Variants in RHEX observed in about 807,000 individuals in gnomAD.
RHEX encodes the protein regulator of hemoglobinization and erythroid cell expansion protein.
Under a neutral mutation model 20.1 loss-of-function variants are expected in RHEX, and 18 were observed. That is an observed-to-expected ratio of 0.90 (90% CI 0.62 to 1.33). RHEX has a LOEUF of 1.33. Ranked by LOEUF, RHEX falls within the 40% of genes most tolerant of loss-of-function variation. The probability of loss-of-function intolerance (pLI) is 0.00; values close to 1 mark genes in which losing one functional copy is unlikely to be tolerated. For synonymous variants in RHEX, 87 were observed against 77.1 expected, an observed-to-expected ratio of 1.13 and a Z score of -0.67; for missense variants, 192 against 214.3, an observed-to-expected ratio of 0.90 and a Z score of 0.65.
At chr1:206,086,166 C>T (rs1553286395) in intron 1 of RHEX, among the ~76,000 whole-genome samples, 1 of 152,074 alleles carries the variant, frequency 6.6e-6, no homozygotes, top group African/African-American at 2.4e-5. Context: ...ATCGCAGGAC[C>T]CCATGGTTTC....
chr1:206,095,296 G>A (rs1386994227), intron 1 of RHEX, among the ~76,000 whole-genome samples: 1 of 152,142 alleles, frequency 6.6e-6, no homozygotes, highest in African/African-American at 2.4e-5. Flanking sequence ...AAAATTAGGT[G>A]TCAAATGTGG....
intron 1 of RHEX, chr1:206,060,554 T>A (rs782371811): frequency 6.6e-6 from 1 of 152,448 alleles, no homozygotes; most frequent in Non-Finnish European, 1.5e-5. Context: ...AGGCTAGAGC[T>A]GAAAAGAGGG....
intron 1 of RHEX, among the ~76,000 whole-genome samples, chr1:206,064,124 C>T (rs1281475310): frequency 6.7e-6 from 1 of 149,370 alleles, no homozygotes; most frequent in African/African-American, 2.5e-5. Flanking sequence ...CCCGGCCGCC[C>T]CGTCTGAGAA....
intron 2 of RHEX, 59 bp downstream of exon 2, chr1:206,097,898 TCTTCCAAGCACACATAGCACC>T: frequency 7.4e-7 from 1 of 1,350,530 alleles, no homozygotes; most frequent in South Asian, 1.2e-5. Context: ...GGTGTAGCTG[TCTTCCAAGCACACATAGCACC>T]CTTCCTGGCT....
chr1:206,099,307 C>G (rs782463959), intron 3 of RHEX, among the ~76,000 whole-genome samples: 1 of 151,668 alleles, frequency 6.6e-6, no homozygotes, highest in African/African-American at 2.4e-5. Flanking sequence ...ATGTGCCTAA[C>G]CCAGGCAGCT....
At position 206,097,690 on chromosome 1, in the gene RHEX, A is replaced by G. The variant is rs80192576; in HGVS notation, c.-96-43A>G. 2.8e-4 allele frequency: 375 copies of G among 1,337,650 alleles called. 4 individuals carry two copies. In the East Asian group the frequency reaches 8.5e-3, roughly 30 times the overall value. The allele number at this position is 1,337,650 out of a possible 1,614,324, so 82.9% of individuals were successfully genotyped here. ...CTGAGTTTGCCCAAGGGAAATTTGT[A>G]TAAAGAGCCCTGGAGTCCTGACCAG... On this transcript the variant is annotated intron_variant, in intron 1 of 5. Transcript: ENST00000331555.
In RHEX at chr1:206,099,642, C is replaced by T; in HGVS notation, c.113-13C>T. ...CCAGTTTCCACTTTTGATCCCTGCC[C>T]TCTCCCTTCCAGCCCACAAGAGTGA... On this transcript the variant is annotated splice_polypyrimidine_tract_variant and intron_variant, in intron 3 of 5. Coordinates refer to ENST00000331555, the MANE Select transcript of RHEX (RefSeq NM_001007544.4). The T allele has an allele frequency of 1.9e-6, 3 of 1,613,084 alleles. No individual in the cohort carries two copies. The highest frequency in any genetic ancestry group is 2.5e-6 in the Non-Finnish European group (3 of 1,179,696).
At chr1:206,064,718 C>T (rs1329085527) in intron 1 of RHEX, among the ~76,000 whole-genome samples, 1 of 151,600 alleles carries the variant, frequency 6.6e-6, no homozygotes, top group African/African-American at 2.4e-5. Flanking sequence ...TCTGCCCGGC[C>T]GCCCCTGCTG....
intron 1 of RHEX, among the ~76,000 whole-genome samples, chr1:206,074,312 A>T (rs1400825365): frequency 2.0e-5 from 3 of 152,156 alleles, no homozygotes; most frequent in African/African-American, 7.2e-5. Context: ...ATCTTCTTCA[A>T]CTCTGTATCC....
At chr1:206,091,275 T>C (rs1558178304) in intron 1 of RHEX, among the ~76,000 whole-genome samples, 1 of 152,196 alleles carries the variant, frequency 6.6e-6, no homozygotes, top group Non-Finnish European at 1.5e-5. Flanking sequence ...ACCCTTATTA[T>C]TATTAGAGAT....
chr1:206,090,202 C>CTTTTTTTTTTTTTTTTTT (rs59499927), intron 1 of RHEX, among the ~76,000 whole-genome samples: 1 of 112,590 alleles, frequency 8.9e-6, no homozygotes. Flanking sequence ...TCTTTTCTTT[C>CTTTTTTTTTTTTTTTTTT]TTTTTTTTTT....
intron 5 of RHEX, 90 bp downstream of exon 5, chr1:206,101,287 T>G: frequency 9.9e-7 from 1 of 1,014,482 alleles, no homozygotes; most frequent in Admixed American, 2.2e-5. Flanking sequence ...ACCCCAGCTA[T>G]GTAGTGGGAG....
intron 4 of RHEX, among the ~76,000 whole-genome samples, chr1:206,100,498 G>A (rs567923835): frequency 1.3e-5 from 2 of 152,218 alleles, no homozygotes; most frequent in South Asian, 2.1e-4. Flanking sequence ...GTGCCTGCCT[G>A]TGGGGACCTG....
chr1:206,061,844 A>T (rs1662315472), intron 1 of RHEX: 1 of 152,038 alleles, frequency 6.6e-6, no homozygotes, highest in South Asian at 2.1e-4. Context: ...AGATGCTCAG[A>T]GTGGGGGTCA....
At chr1:206,057,055 T>C (rs1553282686) in intron 1 of RHEX, among the ~76,000 whole-genome samples, 1 of 152,248 alleles carries the variant, frequency 6.6e-6, no homozygotes, top group Non-Finnish European at 1.5e-5. Context: ...GGAAAAGGAC[T>C]AGATCCTAGT....
At position 206,099,677 on chromosome 1, in the gene RHEX, G is replaced by C; in HGVS notation, c.135G>C (p.Leu45=). The change falls in exon 4 of 6, where the codon CTG becomes CTC. Residue 45 remains leucine (L), a synonymous_variant. Transcript: ENST00000331555. ...RHMAHKSEQI[L]KAASLQVPRP... Reference sequence around the variant, plus strand: ...CAGCCCACAAGAGTGAACAGATACTGAAAGCGGCCAGTCTCCAGGTTCCCA... The same window carrying C: ...CAGCCCACAAGAGTGAACAGATACTCAAAGCGGCCAGTCTCCAGGTTCCCA... 1.2e-6 allele frequency: 2 copies of C among 1,614,066 alleles called. No homozygotes were observed. Among genetic ancestry groups the C allele is most frequent in the Non-Finnish European group, 8.5e-7 (1 of 1,180,002 alleles).
chr1:206,084,532 G>C (rs1392934335), intron 1 of RHEX, among the ~76,000 whole-genome samples: 1 of 152,196 alleles, frequency 6.6e-6, no homozygotes, highest in African/African-American at 2.4e-5. Context: ...AGAAGAGTTA[G>C]ATCAGGCTTT....
In RHEX at chr1:206,101,627, T is replaced by C. The variant is rs1024575046; in HGVS notation, c.319-125T>C. ...CTGGACTGCTCCCAGACACAGCTATTTGGACCCAGATCTTCCCCACCAAGC... is the reference window on the plus strand; with the variant it reads ...CTGGACTGCTCCCAGACACAGCTATCTGGACCCAGATCTTCCCCACCAAGC... On this transcript the variant is annotated intron_variant, in intron 5 of 5. Transcript: ENST00000331555. 9.7e-6 allele frequency: 7 copies of C among 718,792 alleles called. No individual in the cohort carries two copies. The Admixed American group carries it at 1.2e-4, about 12-fold the overall frequency. 44.5% of individuals were successfully genotyped at this position (718,792 alleles called of 1,614,324 possible). A position where few individuals can be genotyped will look rare whatever the true frequency, so the allele number is the denominator to read the frequency against.
chr1:206,093,623 C>A (rs1354059741), intron 1 of RHEX, among the ~76,000 whole-genome samples: 1 of 152,034 alleles, frequency 6.6e-6, no homozygotes, highest in Non-Finnish European at 1.5e-5. Context: ...TGTTTTAAAC[C>A]GTTCTTTCTA....
Sources: gnomAD v4.1 joint callset for allele counts (sites outside exome capture counted in the v4.1 genomes callset) on GRCh38, gnomAD v4.1.1 for gene constraint, MANE v1.5 for transcripts, NCBI Gene and HGNC (gene_info 2026-07-23, HGNC 2026-07-21) for gene names.